MAML3: variants seen among roughly 807,000 people sequenced by gnomAD.
MAML3 encodes mastermind like transcriptional coactivator 3.
A neutral mutation model predicts 101.9 loss-of-function variants in MAML3; 27 were observed. The ratio of observed to expected loss-of-function variants is 0.27; its 90% confidence interval spans 0.20 to 0.37. MAML3 has a LOEUF of 0.37. Among genes scored for constraint, MAML3 ranks in the 10% least tolerant of loss-of-function variants. The probability of loss-of-function intolerance (pLI) is 1.00; values close to 1 mark genes in which losing one functional copy is unlikely to be tolerated. For synonymous variants in MAML3, 501 were observed against 555.9 expected (o/e 0.90, Z 1.39); for missense variants, 1,316 against 1,444.9 (o/e 0.91, Z 1.45).
At chr4:140,099,807 T>C (rs79272241) in intron 1 of MAML3, among the ~76,000 whole-genome samples, 130 of 152,266 alleles carry the variant, frequency 8.5e-4, no homozygotes, top group African/African-American at 2.9e-3. Context: ...CTCAGTTTCA[T>C]CTCTCCTGGA....
chr4:139,974,012 C>A (rs1200064371), intron 1 of MAML3, among the ~76,000 whole-genome samples: 1 of 152,146 alleles, frequency 6.6e-6, no homozygotes, highest in Non-Finnish European at 1.5e-5. Context: ...TTTAGAACAT[C>A]TGTTAATTCA....
At chr4:140,067,690 G>A (rs1428843625) in intron 1 of MAML3, among the ~76,000 whole-genome samples, 1 of 147,964 alleles carries the variant, frequency 6.8e-6, no homozygotes, top group East Asian at 2.0e-4. Flanking sequence ...CATTTAAAAT[G>A]TATATTTCAG....
chr4:139,720,391 G>T, intron 4 of MAML3, 68 bp from the exon 5 acceptor site: 2 of 1,404,792 alleles, frequency 1.4e-6, no homozygotes, highest in South Asian at 1.7e-5. Flanking sequence ...ACAAGATGTT[G>T]GAATTTTCTT....
intron 1 of MAML3, among the ~76,000 whole-genome samples, chr4:140,057,054 T>A (rs1727361052): frequency 6.6e-6 from 1 of 152,020 alleles, no homozygotes; most frequent in Non-Finnish European, 1.5e-5. Flanking sequence ...AATAACAAAG[T>A]CAGGATTTAA....
At position 139,718,600 on chromosome 4, in the gene MAML3, G is replaced by C. The variant is rs1054491; in HGVS notation, c.*723C>G. Reference sequence around the variant, plus strand: ...CCACCAGGGGCACCAGCAGAGGGAAGCCGTCCCAGGACTGCCGGATGGACC... The same window carrying C: ...CCACCAGGGGCACCAGCAGAGGGAACCCGTCCCAGGACTGCCGGATGGACC... On this transcript the variant is annotated 3_prime_UTR_variant, in exon 5 of 5. Transcript: ENST00000509479. 0.19 allele frequency: 28,977 copies of C among 152,442 alleles called. 3,108 individuals are homozygous for C. The highest frequency in any genetic ancestry group is 0.29 in the African/African-American group (11,905 of 41,498). The allele number at this position is 152,442 out of a possible 1,614,324, so 9.4% of individuals were successfully genotyped here. A position where few individuals can be genotyped will look rare whatever the true frequency, so the allele number is the denominator to read the frequency against.
At position 139,982,391 on chromosome 4, in the gene MAML3, C is replaced by A. The variant is rs368684531; in HGVS notation, c.469-91424G>T. On this transcript the variant is annotated intron_variant, in intron 1 of 4. Transcript: ENST00000509479. ...TATTTCAGGCTCCTATATTTCCCCC[C>A]ACCCAGCCCTACAATCAGCCACTTC... is the stretch of plus-strand genomic sequence containing the variant. 8.1e-4 allele frequency among the ~76,000 whole-genome samples: 124 copies of A among 152,244 alleles called. No homozygotes were observed. In the Middle Eastern group the frequency reaches 0.017, roughly 21 times the overall value.
intron 1 of MAML3, among the ~76,000 whole-genome samples, chr4:140,142,657 A>C (rs1407593269): frequency 6.6e-6 from 1 of 152,214 alleles, no homozygotes; most frequent in African/African-American, 2.4e-5. Flanking sequence ...TTGAGGCCAT[A>C]CAGAGCACAT....
At chr4:139,754,416 C>T (rs1729601011) in intron 2 of MAML3, among the ~76,000 whole-genome samples, 2 of 152,156 alleles carry the variant, frequency 1.3e-5, no homozygotes, top group Admixed American at 6.5e-5. Context: ...CCAACCAAAA[C>T]ATTCATTCAA....
intron 1 of MAML3, among the ~76,000 whole-genome samples, chr4:139,959,545 A>AACAT (rs1733972274): frequency 6.6e-6 from 1 of 152,224 alleles, no homozygotes; most frequent in African/African-American, 2.4e-5. Context: ...CAAACAAACA[A>AACAT]AAACTGGCCA....
chr4:139,734,059 CA>C (rs1459805546), intron 2 of MAML3, among the ~76,000 whole-genome samples: 5 of 152,322 alleles, frequency 3.3e-5, no homozygotes, highest in Non-Finnish European at 7.3e-5. Context: ...AGCTCTGCGG[CA>C]TTCAACAGTG....
intron 1 of MAML3, among the ~76,000 whole-genome samples, chr4:140,027,869 C>T (rs918660863): frequency 6.6e-6 from 1 of 151,840 alleles, no homozygotes; most frequent in African/African-American, 2.4e-5. Context: ...TCTTTTTGTC[C>T]ACTGTTTTCC....
chr4:139,800,911 G>A (rs529919825), intron 2 of MAML3, among the ~76,000 whole-genome samples: 1 of 152,370 alleles, frequency 6.6e-6, no homozygotes, highest in South Asian at 2.1e-4. Flanking sequence ...TATTTGCAAA[G>A]TTGGAGGAAA....
chr4:139,973,965 C>T (rs1354600099), intron 1 of MAML3, among the ~76,000 whole-genome samples: 1 of 152,156 alleles, frequency 6.6e-6, no homozygotes, highest in Non-Finnish European at 1.5e-5. Flanking sequence ...AAAATTCAAG[C>T]CAAATTACAT....
intron 1 of MAML3, among the ~76,000 whole-genome samples, chr4:139,949,979 G>A (rs999445007): frequency 3.3e-5 from 5 of 152,166 alleles, no homozygotes; most frequent in Admixed American, 6.5e-5. Context: ...TTCTGCCTTC[G>A]GACTGCAACA....
At chr4:139,910,936 C>T (rs867581943) in intron 1 of MAML3, among the ~76,000 whole-genome samples, 35 of 152,252 alleles carry the variant, frequency 2.3e-4, no homozygotes, top group African/African-American at 6.0e-4. Context: ...GTGTACAGTT[C>T]GGTGGCATTA....
chr4:140,093,264 TTTC>T (rs1477449616), intron 1 of MAML3, among the ~76,000 whole-genome samples: 3 of 152,292 alleles, frequency 2.0e-5, no homozygotes, highest in Admixed American at 6.5e-5. Context: ...TTTAAAAAAA[TTTC>T]TTCAAGGCAC....
chr4:139,782,030 G>A (rs181727864), intron 2 of MAML3, among the ~76,000 whole-genome samples: 1 of 152,276 alleles, frequency 6.6e-6, no homozygotes, highest in East Asian at 1.9e-4. Context: ...GGAACTTGTT[G>A]AGGAGTGGAA....
At chr4:139,909,414 C>A (rs1387751974) in intron 1 of MAML3, among the ~76,000 whole-genome samples, 3 of 152,172 alleles carry the variant, frequency 2.0e-5, no homozygotes, top group Admixed American at 1.3e-4. Flanking sequence ...GAAAGAAATA[C>A]ATACCAACAA....
chr4:139,761,531 C>T (rs1729760555), intron 2 of MAML3, among the ~76,000 whole-genome samples: 1 of 152,156 alleles, frequency 6.6e-6, no homozygotes, highest in Non-Finnish European at 1.5e-5. Context: ...CACAGAGTCC[C>T]CCAGTTCCTA....
Sources: allele counts gnomAD v4.1 joint callset (sites outside exome capture counted in the v4.1 genomes callset), GRCh38; gene constraint gnomAD v4.1.1; transcripts MANE v1.5; gene names NCBI Gene and HGNC (gene_info 2026-07-23, HGNC 2026-07-21).